Variants in FRMD4B observed in about 807,000 individuals in gnomAD.
FRMD4B encodes FERM domain containing 4B, also known as FERM domain-containing protein 4B.
In FRMD4B, 74 loss-of-function variants were observed where a neutral mutation model predicts 141.5. The ratio of observed to expected loss-of-function variants is 0.52; its 90% CI spans 0.43 to 0.63. The LOEUF is 0.63. Ranked by LOEUF, FRMD4B falls within the 30% of genes least tolerant of loss-of-function variation. The probability of loss-of-function intolerance (pLI) is 0.00; values close to 1 mark genes in which losing one functional copy is unlikely to be tolerated. For missense variants in FRMD4B, 1,366 were observed against 1,253.4 expected (o/e 1.09, Z -1.36); for synonymous variants, 506 against 467.9 (o/e 1.08, Z -1.05).
intron 1 of FRMD4B, among the ~76,000 whole-genome samples, chr3:69,383,901 T>C (rs970504888): frequency 1.2e-4 from 18 of 152,290 alleles, no homozygotes; most frequent in African/African-American, 4.1e-4. Flanking sequence ...ATTATTCTCT[T>C]CTAGTTATTT....
chr3:69,363,483 G>A (rs1467914869), intron 1 of FRMD4B, among the ~76,000 whole-genome samples: 1 of 150,960 alleles, frequency 6.6e-6, no homozygotes, highest in Non-Finnish European at 1.5e-5. Context: ...TCCGCCTCCT[G>A]GGTTCACGCC....
At chr3:69,192,396 A>G (rs1254738836) in intron 17 of FRMD4B, among the ~76,000 whole-genome samples, 1 of 152,196 alleles carries the variant, frequency 6.6e-6, no homozygotes, top group African/African-American at 2.4e-5. Context: ...AAACAAAAAA[A>G]GACAAACAAA....
chr3:69,367,774 T>C (rs1332900410), intron 1 of FRMD4B, among the ~76,000 whole-genome samples: 1 of 152,214 alleles, frequency 6.6e-6, no homozygotes, highest in Non-Finnish European at 1.5e-5. Flanking sequence ...TGAAAATCCT[T>C]GCACGTGCGC....
rs1008588272 is a variant in FRMD4B at position 69,409,045 on chromosome 3, G to A, written c.-1+23589C>T. Among the ~76,000 whole-genome samples, 34 of 152,174 alleles carry A rather than the reference G, an allele frequency of 2.2e-4. 1 individual carries two copies. Among genetic ancestry groups the A allele is most frequent in the Admixed American group, 1.7e-3 (26 of 15,284 alleles). On this transcript the variant is annotated intron_variant, in intron 2 of 5. Transcript: ENST00000459638. ...AAACACTTCCATCCTGAGGTTGTTC[G>A]TGAGGAATATATGCAGAGTGTCTAA...
In FRMD4B at chr3:69,282,782, C is replaced by T. The variant is rs1470292573; in HGVS notation, c.501+4970G>A. On this transcript the variant is annotated intron_variant, in intron 5 of 22. Transcript: ENST00000398540. ...CCTCCGGAGTAGGTGGAATTACAGG[C>T]GCCCACCACCACACCCAGCTAATTG... 3.9e-5 allele frequency among the ~76,000 whole-genome samples: 6 copies of T among 152,072 alleles called. No homozygotes were observed. In the East Asian group the frequency reaches 7.8e-4, roughly 20 times the overall value.
At position 69,169,730 on chromosome 3, in the gene FRMD4B, C is replaced by G. The variant is rs1219260336; in HGVS notation, c.*2131G>C. Among the ~76,000 whole-genome samples, 2 of 152,092 alleles carry G rather than the reference C, an allele frequency of 1.3e-5. No homozygotes were observed. The highest frequency in any genetic ancestry group is 2.9e-5 in the Non-Finnish European group (2 of 68,016). On this transcript the variant is annotated 3_prime_UTR_variant, in exon 23 of 23. Transcript: ENST00000398540. ...TATTTGCCCTTTCAAGGCATGCTTG[C>G]AAGTGTAACCATACTATTTCAGGAA...
chr3:69,215,282 C>CTTTTTTTTTTTT (rs1559724064), intron 11 of FRMD4B, among the ~76,000 whole-genome samples: 28 of 37,496 alleles, frequency 7.5e-4, no homozygotes, highest in East Asian at 7.2e-3. Flanking sequence ...GATTGTGACC[C>CTTTTTTTTTTTT]TCTTTTTTTT....
At chr3:69,212,833 T>G (rs1367127951) in intron 11 of FRMD4B, among the ~76,000 whole-genome samples, 1 of 152,184 alleles carries the variant, frequency 6.6e-6, no homozygotes, top group African/African-American at 2.4e-5. Flanking sequence ...GACTCCTGAG[T>G]GTTATTTCTT....
chr3:69,541,885 C>G (rs1287273337), intron 1 of FRMD4B, among the ~76,000 whole-genome samples: 1 of 151,614 alleles, frequency 6.6e-6, no homozygotes, highest in African/African-American at 2.4e-5. Context: ...CGCGCGGCAA[C>G]CGAAGCACGC....
At chr3:69,499,782 G>A (rs1706462357) in intron 1 of FRMD4B, among the ~76,000 whole-genome samples, 1 of 152,110 alleles carries the variant, frequency 6.6e-6, no homozygotes, top group Admixed American at 6.5e-5. Flanking sequence ...TAATAGCTGT[G>A]GCCCGATTAT....
At chr3:69,322,105 C>A (rs976547607) in intron 1 of FRMD4B, among the ~76,000 whole-genome samples, 1 of 152,216 alleles carries the variant, frequency 6.6e-6, no homozygotes, top group Non-Finnish European at 1.5e-5. Context: ...AAAAAACACT[C>A]TTTCCACCCA....
intron 1 of FRMD4B, among the ~76,000 whole-genome samples, chr3:69,537,931 G>A (rs1701111211): frequency 6.6e-6 from 1 of 152,210 alleles, no homozygotes; most frequent in Non-Finnish European, 1.5e-5. Flanking sequence ...GATGTCCTCT[G>A]TCTACATGGT....
At chr3:69,258,232 C>T (rs796924054) in intron 5 of FRMD4B, among the ~76,000 whole-genome samples, 2 of 152,308 alleles carry the variant, frequency 1.3e-5, no homozygotes, top group African/African-American at 2.4e-5. Flanking sequence ...TCCCAAAGTG[C>T]TGGGGTTACA....
chr3:69,480,622 G>C (rs1432980541), intron 1 of FRMD4B, among the ~76,000 whole-genome samples: 3 of 151,878 alleles, frequency 2.0e-5, no homozygotes, highest in Non-Finnish European at 4.4e-5. Flanking sequence ...CCCCTACTGG[G>C]AGGCGCCTCC....
intron 1 of FRMD4B, among the ~76,000 whole-genome samples, chr3:69,497,749 G>T (rs147836129): frequency 6.6e-6 from 1 of 152,182 alleles, no homozygotes; most frequent in African/African-American, 2.4e-5. Flanking sequence ...TTGCTATGGT[G>T]CCCAGGCTGG....
intron 4 of FRMD4B, 48 bp from the exon 5 acceptor site, chr3:69,287,884 T>G: frequency 1.2e-6 from 1 of 818,480 alleles, no homozygotes; most frequent in South Asian, 1.6e-5. Flanking sequence ...TTTTCACCTC[T>G]CAGCATTCCT....
chr3:69,296,916 T>C (rs992745172), intron 4 of FRMD4B, among the ~76,000 whole-genome samples: 9 of 152,210 alleles, frequency 5.9e-5, no homozygotes, highest in African/African-American at 2.2e-4. Context: ...CCTACAATCA[T>C]TCTACCTAGA....
chr3:69,309,410 A>G lies in FRMD4B; in HGVS notation c.323+1853T>C, dbSNP rs183508349. The stretch of plus-strand genomic sequence containing the variant: ...CCCTCCCTTGGTCTCCAAAAGTGTT[A>G]GGATCACAGGTGTGAGCCACTCTTA... On this transcript the variant is annotated intron_variant, in intron 3 of 22. Transcript: ENST00000398540. 2.7e-3 allele frequency among the ~76,000 whole-genome samples: 396 copies of G among 148,802 alleles called. 2 individuals carry two copies. The highest frequency in any genetic ancestry group is 9.5e-3 in the African/African-American group (381 of 40,228).
chr3:69,526,841 A>C (rs1244427272), intron 1 of FRMD4B, among the ~76,000 whole-genome samples: 1 of 152,182 alleles, frequency 6.6e-6, no homozygotes, highest in Non-Finnish European at 1.5e-5. Context: ...AAAGGTGGTT[A>C]AGTGACAGAT....
Sources: gnomAD v4.1 joint callset for allele counts (sites outside exome capture counted in the v4.1 genomes callset) on GRCh38, gnomAD v4.1.1 for gene constraint, MANE v1.5 for transcripts, NCBI Gene and HGNC (gene_info 2026-07-23, HGNC 2026-07-21) for gene names.